Variants in MUC4 observed in about 807,000 individuals in gnomAD.
MUC4 encodes mucin-4.
MUC4 carries 202 observed loss-of-function variants against 257.9 expected under a neutral mutation model. That is an observed-to-expected ratio of 0.78 (90% CI 0.70 to 0.88). The LOEUF is 0.88. Ranked by LOEUF, MUC4 falls within the 40% of genes least tolerant of loss-of-function variation. The pLI, the probability that MUC4 is intolerant of heterozygous loss-of-function variation, is 0.00. For synonymous variants in MUC4, 2,351 were observed against 2,757.1 expected (o/e 0.85, Z 4.62); for missense variants, 5,976 against 6,513.7 (o/e 0.92, Z 2.84).
rs1718791039 is a variant in MUC4, at chr3:195,761,093, AG to A, written c.14638del (p.Gly4881AlafsTer29). 1 of 1,614,052 alleles carries A rather than the reference AG, an allele frequency of 6.2e-7. No homozygotes were observed. The highest frequency in any genetic ancestry group is 8.5e-7 in the Non-Finnish European group (1 of 1,180,022). On this transcript the variant is annotated frameshift_variant, in exon 16 of 25. Coordinates refer to ENST00000463781, the MANE Select transcript of MUC4 (RefSeq NM_018406.7). LOFTEE classifies it high-confidence loss of function. ...AGGCAGCTGGTCATTCCTCTTGCCA[AG>A]GAGGCCTGTCCCGTTGATCTGCCCT... ...MTWQINGTGL[L>X]GKRNDQLPSN...
chr3:195,763,739 CAG>C, intron 11 of MUC4, 98 bp from the exon 12 acceptor site: 1 of 1,251,690 alleles, frequency 8.0e-7, no homozygotes, highest in Non-Finnish European at 1.1e-6. Context: ...CAGGAGGACT[CAG>C]GGTGAGGTTC....
At chr3:195,752,999 G>C (rs1279564715) in intron 20 of MUC4, 52 bp downstream of exon 20, 1 of 1,498,828 alleles carries the variant, frequency 6.7e-7, no homozygotes, top group East Asian at 2.3e-5. Flanking sequence ...GGGGTGAGAG[G>C]GTGGGGCCCA....
In MUC4 at chr3:195,791,075, C is replaced by G. The variant is rs780108030; in HGVS notation, c.505G>C (p.Val169Leu). Residue 169 changes from valine (V) to leucine (L), a missense_variant, in exon 2 of 25, where the codon GTC (valine) becomes CTC (leucine). Coordinates refer to ENST00000463781, the MANE Select transcript of MUC4 (RefSeq NM_018406.7). ...TESSTPVTSAVSITAGQEGQS... is the reference protein window; with the variant it reads ...TESSTPVTSALSITAGQEGQS... ...CCTTCCTGTCCAGCTGTTATTGAGA[C>G]TGCTGAGGTCACTGGGGTAGAACTT... 81 of 1,613,722 alleles carry G rather than the reference C, an allele frequency of 5.0e-5. No individual in the cohort carries two copies. The highest frequency in any genetic ancestry group is 6.4e-5 in the Non-Finnish European group (75 of 1,179,880).
intron 16 of MUC4, among the ~76,000 whole-genome samples, chr3:195,760,402 G>A (rs1003853826): frequency 2.0e-5 from 3 of 151,960 alleles, no homozygotes; most frequent in Non-Finnish European, 2.9e-5. Context: ...CCTGGGAGCT[G>A]AGCGCACCTA....
chr3:195,789,340 G>A lies in MUC4; in HGVS notation c.2240C>T (p.Thr747Ile). 1 of 1,613,954 alleles carries A rather than the reference G, an allele frequency of 6.2e-7. No individual in the cohort carries two copies. Among genetic ancestry groups the A allele is most frequent in the Admixed American group, 1.7e-5 (1 of 60,010 alleles). Residue 747 changes from threonine to isoleucine, a missense_variant, in exon 2 of 25, where the codon ACA becomes ATA. Around this residue, in one of 44 missense-constraint regions of MUC4, gnomAD observed 1,583 missense variants for 1,257.4 expected, o/e 1.26. Coordinates refer to ENST00000463781, the MANE Select transcript of MUC4 (RefSeq NM_018406.7). Reference sequence around the variant, plus strand: ...CCATTGTCCTTCTGGGCCCCCTGGTGTTGACACTACAGAGTTGGCCAGAGT... The same window carrying A: ...CCATTGTCCTTCTGGGCCCCCTGGTATTGACACTACAGAGTTGGCCAGAGT... ...ALTLANSVVS[T>I]PGGPEGQWTS... is the part of the protein sequence containing the mutation.
chr3:195,792,664 A>G (rs1057270843), intron 1 of MUC4, among the ~76,000 whole-genome samples: 1 of 152,260 alleles, frequency 6.6e-6, no homozygotes, highest in African/African-American at 2.4e-5. Context: ...TCATTCTGTT[A>G]TAAAGATACA....
Position 195,782,854 on chromosome 3 carries a change from T to C in MUC4, c.8726A>G (p.Asp2909Gly). ...LTSLSSVSTG[D>G]TTPLPVTDTS... ...GTCGGTGACAGGAAGAGGCGTGGTGTCACCTGTGGATACTGAGGAAAGGCT... is the reference window on the plus strand; with the variant it reads ...GTCGGTGACAGGAAGAGGCGTGGTGCCACCTGTGGATACTGAGGAAAGGCT... Residue 2909 changes from aspartate to glycine, a missense_variant, in exon 2 of 25, where the codon GAC (aspartate) becomes GGC (glycine). Physicochemically the swap from Asp to Gly is moderately conservative, Grantham distance 94. Coordinates refer to ENST00000463781, the MANE Select transcript of MUC4 (RefSeq NM_018406.7). 2.6e-6 allele frequency: 4 copies of C among 1,522,660 alleles called. 1 individual carries two copies. Among genetic ancestry groups the C allele is most frequent in the Non-Finnish European group, 3.5e-6 (4 of 1,128,442 alleles). The allele number at this position is 1,522,660 out of a possible 1,614,324, so 94.3% of individuals were successfully genotyped here.
chr3:195,765,465 G>A lies in MUC4; in HGVS notation c.13619-16C>T, dbSNP rs375346565. The A allele has an allele frequency of 5.2e-5, 83 of 1,606,430 alleles. No individual in the cohort carries two copies. In the African/African-American group the frequency reaches 9.7e-4, roughly 19 times the overall value. ...CCTTGGAGGCCTGAGGTCGGGGATG[G>A]GGGGGAAAGGGCTTATCCAGGGCTG... On this transcript the variant is annotated splice_polypyrimidine_tract_variant and intron_variant, in intron 8 of 24. Transcript: ENST00000463781.
At chr3:195,748,585 G>A (rs1022870474) in intron 24 of MUC4, among the ~76,000 whole-genome samples, 1 of 152,278 alleles carries the variant, frequency 6.6e-6, no homozygotes. Context: ...TATAAAAAAT[G>A]TTTGGCTTTG....
intron 4 of MUC4, 70 bp from the exon 5 acceptor site, chr3:195,771,886 G>T: frequency 6.5e-7 from 1 of 1,545,552 alleles, no homozygotes; most frequent in Non-Finnish European, 8.9e-7. Flanking sequence ...CCTTGGTCCA[G>T]CTCCTCAAAA....
chr3:195,750,951 T>A lies in MUC4; in HGVS notation c.15809A>T (p.Glu5270Val). 6.2e-7 allele frequency: 1 copy of A among 1,614,008 alleles called. No homozygotes were observed. The highest frequency in any genetic ancestry group is 8.5e-7 in the Non-Finnish European group (1 of 1,180,010). ...FLYHVPRRSE[E>V]PRNDVVFQPI... ...CTGGAAGACCACGTCGTTCCTGGGC[T>A]CCTCACTCCTCCGTGGAACGTGGTA... The change falls in exon 23 of 25, where the codon GAG (glutamate) becomes GTG (valine). Residue 5270 changes from glutamate to valine, a missense_variant. By Grantham distance (121) the Glu-to-Val change is moderately radical. This residue lies in a region of MUC4 where 310 missense variants were observed against 242.1 expected (regional missense o/e 1.28). Coordinates refer to ENST00000463781, the MANE Select transcript of MUC4 (RefSeq NM_018406.7).
In MUC4 at chr3:195,807,593, T is replaced by G. The variant is rs915338795; in HGVS notation, c.82+4143A>C. Among the ~76,000 whole-genome samples the G allele has an allele frequency of 6.6e-5, 10 of 152,260 alleles. 1 individual carries two copies. Among genetic ancestry groups the G allele is most frequent in the Admixed American group, 5.9e-4 (9 of 15,298 alleles). On this transcript the variant is annotated intron_variant, in intron 1 of 24. Transcript: ENST00000463781. The stretch of plus-strand genomic sequence containing the variant: ...TTTGACTCAATTTCTCAGAACATGC[T>G]GGGGCGGGAACTCAGCCTAGCAGTA...
At chr3:195,752,143 G>C (rs768237567) in intron 21 of MUC4, 15 of 559,564 alleles carry the variant, frequency 2.7e-5, no homozygotes, top group South Asian at 1.8e-4. Context: ...AGAGGTCTCG[G>C]CTGGGGTGAC....
Position 195,746,869 on chromosome 3 carries a change from C to A in MUC4, c.*307G>T. ...AGCATTTTGCTTAACTTAGGGCCAT[C>A]ACCACATTATGAACTCGTGTGTGTG... On this transcript the variant is annotated 3_prime_UTR_variant, in exon 25 of 25. Transcript: ENST00000463781. 2.2e-6 allele frequency: 1 copy of A among 457,226 alleles called. No homozygotes were observed. The highest frequency in any genetic ancestry group is 3.9e-6 in the Non-Finnish European group (1 of 259,680). 28.3% of individuals were successfully genotyped at this position (457,226 alleles called of 1,614,324 possible). A position where few individuals can be genotyped will look rare whatever the true frequency, so the allele number is the denominator to read the frequency against.
intron 5 of MUC4, chr3:195,770,754 C>T (rs1476114163): frequency 2.3e-5 from 10 of 432,182 alleles, no homozygotes; most frequent in African/African-American, 1.2e-4. Flanking sequence ...CTGCCCTGTC[C>T]GTGGCAGGGG....
chr3:195,774,145 G>A (rs1167799524), intron 4 of MUC4, 27 bp downstream of exon 4: 7 of 1,580,984 alleles, frequency 4.4e-6, no homozygotes, highest in Non-Finnish European at 5.1e-6. Context: ...GGGAGTTCAG[G>A]CTGCGCGGGC....
intron 1 of MUC4, among the ~76,000 whole-genome samples, chr3:195,805,796 C>T (rs531596789): frequency 6.6e-6 from 1 of 152,110 alleles, no homozygotes; most frequent in Non-Finnish European, 1.5e-5. Flanking sequence ...TGTGCCTGGC[C>T]TTGTCTGTCA....
At position 195,791,154 on chromosome 3, in the gene MUC4, G is replaced by A. The variant is rs951697263; in HGVS notation, c.426C>T (p.Thr142=). ...MMTSKTITMT[T]STDSTLGNTE... ...TGTTTCCAAGAGTGGAGTCTGTGGA[G>A]GTTGTCATTGTTATAGTCTTTGATG... is the stretch of plus-strand genomic sequence containing the variant. Residue 142 remains threonine, a synonymous_variant, in exon 2 of 25, where the codon ACC becomes ACT. Coordinates refer to ENST00000463781, the MANE Select transcript of MUC4 (RefSeq NM_018406.7). 3.1e-6 allele frequency: 5 copies of A among 1,613,828 alleles called. No individual in the cohort carries two copies. Among genetic ancestry groups the A allele is most frequent in the African/African-American group, 1.3e-5 (1 of 74,886 alleles).
At position 195,782,312 on chromosome 3, in the gene MUC4, G is replaced by A. The variant is rs755883406; in HGVS notation, c.9268C>T (p.Pro3090Ser). The A allele has an allele frequency of 6.5e-7, 1 of 1,542,514 alleles. No individual in the cohort carries two copies. Among genetic ancestry groups the A allele is most frequent in the Non-Finnish European group, 8.7e-7 (1 of 1,143,086 alleles). ...SASTGHATPLPVTSLSSVSTG... is the reference protein window; with the variant it reads ...SASTGHATPLSVTSLSSVSTG... ...GATACTGAGGAAAGGCTGGTGACAG[G>A]AAGAGGGGTGGCGTGACCTGTGGAT... Residue 3090 changes from proline to serine, a missense_variant, in exon 2 of 25, where the codon CCT becomes TCT. Around this residue, in one of 44 missense-constraint regions of MUC4, gnomAD observed 52 missense variants for 102.2 expected, o/e 0.51. Transcript: ENST00000463781.
Sources: gnomAD v4.1 joint callset for allele counts (sites outside exome capture counted in the v4.1 genomes callset) on GRCh38, gnomAD v4.1.1 for gene constraint, gnomAD v4.1.1 regional missense constraint, MANE v1.5 for transcripts, NCBI Gene and HGNC (gene_info 2026-07-23, HGNC 2026-07-21) for gene names.